The following BNIP5 variants were observed in gnomAD, a reference collection of about 807,000 sequenced individuals.
BNIP5 encodes BCL2 interacting protein 5.
In BNIP5, 61 loss-of-function variants were observed where a neutral mutation model predicts 67.3. The ratio of observed to expected loss-of-function variants is 0.91; its 90% CI spans 0.74 to 1.12. BNIP5 has a LOEUF of 1.12. Among genes scored for constraint, BNIP5 ranks in the 50% most tolerant of loss-of-function variants. The pLI, the probability that BNIP5 is intolerant of heterozygous loss-of-function variation, is 0.00. For synonymous variants in BNIP5, 317 were observed against 319.0 expected (o/e 0.99, Z 0.07); for missense variants, 826 against 816.3 (o/e 1.01, Z -0.14).
chr6:36,326,366 G>T, intron 5 of BNIP5, 144 bp downstream of exon 5: 1 of 1,040,298 alleles, frequency 9.6e-7, no homozygotes, highest in South Asian at 1.7e-5. Flanking sequence ...TCTTCCCACA[G>T]TCATCCTCAC....
In BNIP5 at chr6:36,319,423, A is replaced by G. The variant is rs778232834; in HGVS notation, c.1856T>C (p.Met619Thr). The G allele has an allele frequency of 1.9e-6, 3 of 1,614,196 alleles. No homozygotes were observed. Among genetic ancestry groups the G allele is most frequent in the Non-Finnish European group, 1.7e-6 (2 of 1,180,030 alleles). The change falls in exon 11 of 12, where the codon ATG becomes ACG. Residue 619 changes from methionine (M) to threonine (T), a missense_variant. Physicochemically the swap from Met to Thr is moderately conservative, Grantham distance 81. Transcript: ENST00000437635. ...GTCTCTTAGGCCCATGAGGATGCACATGGCATGGCTGTTGCTGCCAGCAAA... is the reference window on the plus strand; with the variant it reads ...GTCTCTTAGGCCCATGAGGATGCACGTGGCATGGCTGTTGCTGCCAGCAAA... Reference protein sequence around the residue: ...NKFAGSNSHAMCILMGLRDHY... With the variant: ...NKFAGSNSHATCILMGLRDHY...
At chr6:36,319,915 T>C (rs1005384268) in intron 10 of BNIP5, among the ~76,000 whole-genome samples, 4 of 152,246 alleles carry the variant, frequency 2.6e-5, no homozygotes, top group Non-Finnish European at 5.9e-5. Flanking sequence ...CAAATAATCA[T>C]ACTTTATTAT....
At chr6:36,318,731 A>G (rs1324117411) in intron 11 of BNIP5, among the ~76,000 whole-genome samples, 1 of 152,042 alleles carries the variant, frequency 6.6e-6, no homozygotes, top group Non-Finnish European at 1.5e-5. Flanking sequence ...TCAAAAAAAA[A>G]TCAGTGACAA....
At position 36,326,692 on chromosome 6, in the gene BNIP5, T is replaced by A. The variant is rs773172161; in HGVS notation, c.854A>T (p.Lys285Ile). 24 of 1,614,130 alleles carry A rather than the reference T, an allele frequency of 1.5e-5. No individual in the cohort carries two copies. The highest frequency in any genetic ancestry group is 2.0e-5 in the Non-Finnish European group (24 of 1,180,052). The change falls in exon 5 of 12, where the codon AAA becomes ATA. Residue 285 changes from lysine to isoleucine, a missense_variant. Transcript: ENST00000437635. ...LPNPAPAVRK[K>I]SQEKKTSLKR... ...GAGGCTTGTCTTTTTCTCTTGGGATTTCTTCCTAACAGCTGGTGCTGGGTT... is the reference window on the plus strand; with the variant it reads ...GAGGCTTGTCTTTTTCTCTTGGGATATCTTCCTAACAGCTGGTGCTGGGTT...
In BNIP5 at chr6:36,330,171, C is replaced by G; in HGVS notation, c.520G>C (p.Asp174His). 1 of 1,614,002 alleles carries G rather than the reference C, an allele frequency of 6.2e-7. No individual in the cohort carries two copies. The highest frequency in any genetic ancestry group is 8.5e-7 in the Non-Finnish European group (1 of 1,180,022). ...TCCTCTCGGCCTCTGGCCTCCTGGT[C>G]TTGAGCTGCCTTAGTCACCTCGGCC... The part of the protein sequence containing the change: ...HAAEVTKAAQ[D>H]QEARGREEGL... Residue 174 changes from aspartate to histidine, a missense_variant, in exon 2 of 12, where the codon GAC becomes CAC. Coordinates refer to ENST00000437635, the MANE Select transcript of BNIP5 (RefSeq NM_001010903.5).
In BNIP5 at chr6:36,319,592, A is replaced by G; in HGVS notation, c.1687T>C (p.Phe563Leu). The part of the protein sequence containing the change: ...LGQQIRRHPS[F>L]KRFFYEFSDS... ...GAGAACTCGTAAAAAAACCTCTTAA[A>G]GCTGGGGTGGCGCCTGATCTGGAAG... The change falls in exon 11 of 12, where the codon TTT becomes CTT. Residue 563 changes from phenylalanine (F) to leucine (L), a missense_variant. Phe to Leu is a conservative substitution (Grantham distance 22). Coordinates refer to ENST00000437635, the MANE Select transcript of BNIP5 (RefSeq NM_001010903.5). The G allele has an allele frequency of 6.2e-7, 1 of 1,612,194 alleles. No individual in the cohort carries two copies. The highest frequency in any genetic ancestry group is 8.5e-7 in the Non-Finnish European group (1 of 1,178,424).
chr6:36,325,511 G>T, intron 5 of BNIP5, 97 bp from the exon 6 acceptor site: 2 of 1,435,756 alleles, frequency 1.4e-6, no homozygotes, highest in Non-Finnish European at 1.9e-6. Context: ...CTCCGTGGCT[G>T]GATCACATTA....
At position 36,327,106 on chromosome 6, in the gene BNIP5, C is replaced by T; in HGVS notation, c.728-12G>A. 3 of 1,610,908 alleles carry T rather than the reference C, an allele frequency of 1.9e-6. No individual in the cohort carries two copies. The highest frequency in any genetic ancestry group is 1.7e-6 in the Non-Finnish European group (2 of 1,177,080). ...AATGATAGCATCCTCTGGAAGAAAG[C>T]AAATGCATCCGGTTATTCTTTCTAA... On this transcript the variant is annotated splice_polypyrimidine_tract_variant and intron_variant, in intron 3 of 11. Coordinates refer to ENST00000437635, the MANE Select transcript of BNIP5 (RefSeq NM_001010903.5).
rs779792539 is a variant in BNIP5 at position 36,330,317 on chromosome 6, C to T, written c.374G>A (p.Gly125Glu). The change falls in exon 2 of 12, where the codon GGG becomes GAG. Residue 125 changes from glycine (G) to glutamate (E), a missense_variant. Gly to Glu is a moderately conservative substitution (Grantham distance 98, BLOSUM62 -2). Transcript: ENST00000437635. ...PREKASRRPR[G>E]KEGISQHPEP... ...CGGATGCTGGGAGATACCCTCCTTC[C>T]CCCTTGGCCTCCTGCTGGCCTTTTC... 1 of 1,614,080 alleles carries T rather than the reference C, an allele frequency of 6.2e-7. No individual in the cohort carries two copies. Among genetic ancestry groups the T allele is most frequent in the Non-Finnish European group, 8.5e-7 (1 of 1,180,042 alleles).
chr6:36,318,008 G>A (rs1335735498), intron 11 of BNIP5, among the ~76,000 whole-genome samples: 1 of 152,202 alleles, frequency 6.6e-6, no homozygotes, highest in African/African-American at 2.4e-5. Context: ...AAGCCAAGGA[G>A]AGAGAGAGGT....
At chr6:36,331,246 A>G (rs1561887106) in intron 1 of BNIP5, among the ~76,000 whole-genome samples, 1 of 152,208 alleles carries the variant, frequency 6.6e-6, no homozygotes, top group Non-Finnish European at 1.5e-5. Flanking sequence ...TTTCCAGAGG[A>G]TAAAACTGGA....
At chr6:36,317,907 G>A (rs1476900052) in intron 11 of BNIP5, among the ~76,000 whole-genome samples, 3 of 152,152 alleles carry the variant, frequency 2.0e-5, no homozygotes, top group Non-Finnish European at 4.4e-5. Flanking sequence ...TATCTTTCAC[G>A]AATAACTCAG....
intron 6 of BNIP5, among the ~76,000 whole-genome samples, chr6:36,325,048 C>T (rs1456310071): frequency 6.6e-6 from 1 of 152,142 alleles, no homozygotes; most frequent in African/African-American, 2.4e-5. Flanking sequence ...CTCCCTTTGC[C>T]TCCTGTCTGC....
At position 36,316,265 on chromosome 6, in the gene BNIP5, G is replaced by A. The variant is rs1410610027; in HGVS notation, c.*1091C>T. On this transcript the variant is annotated 3_prime_UTR_variant, in exon 12 of 12. Transcript: ENST00000437635. ...CCACATGTTCTGGGCAGTGTCCAAG[G>A]GAGCCGACTGTCTGTCTACAGTCTT... is the stretch of plus-strand genomic sequence containing the variant. 2.7e-6 allele frequency: 1 copy of A among 370,532 alleles called. No individual in the cohort carries two copies. Among genetic ancestry groups the A allele is most frequent in the Admixed American group, 4.6e-5 (1 of 21,712 alleles). The allele number at this position is 370,532 out of a possible 1,614,324, so 23.0% of individuals were successfully genotyped here.
At chr6:36,318,336 C>A (rs1771562089) in intron 11 of BNIP5, among the ~76,000 whole-genome samples, 1 of 152,128 alleles carries the variant, frequency 6.6e-6, no homozygotes, top group South Asian at 2.1e-4. Flanking sequence ...TGTTTGTAAG[C>A]AGGTTATGTT....
chr6:36,317,056 G>A lies in BNIP5; in HGVS notation c.*300C>T, dbSNP rs45613131. ...TAGACTCCAAAGTCTGGAGAGGAGG[G>A]GGAATGTGTAGAGGGTCATGCAGCA... On this transcript the variant is annotated 3_prime_UTR_variant, in exon 12 of 12. Coordinates refer to ENST00000437635, the MANE Select transcript of BNIP5 (RefSeq NM_001010903.5). 6,399 of 468,746 alleles carry A rather than the reference G, an allele frequency of 0.014. 69 individuals are homozygous for A. Among genetic ancestry groups the A allele is most frequent in the Non-Finnish European group, 0.02 (5,255 of 266,878 alleles). 29.0% of individuals were successfully genotyped at this position (468,746 alleles called of 1,614,324 possible).
In BNIP5 at chr6:36,317,313, C is replaced by A. The variant is rs757445405; in HGVS notation, c.*43G>T. On this transcript the variant is annotated 3_prime_UTR_variant, in exon 12 of 12. Transcript: ENST00000437635. Reference sequence around the variant, plus strand: ...AGGGTCTCCTGGCTAAAGCTGCGAACCATTTGGCTAGTTCAAGGGAATTTG... The same window carrying A: ...AGGGTCTCCTGGCTAAAGCTGCGAAACATTTGGCTAGTTCAAGGGAATTTG... 6.4e-7 allele frequency: 1 copy of A among 1,553,200 alleles called. No homozygotes were observed. The highest frequency in any genetic ancestry group is 8.9e-7 in the Non-Finnish European group (1 of 1,124,456).
intron 3 of BNIP5, 47 bp from the exon 4 acceptor site, chr6:36,327,141 C>A: frequency 6.7e-7 from 1 of 1,490,694 alleles, no homozygotes; most frequent in Non-Finnish European, 9.4e-7. Flanking sequence ...AATGCACTGA[C>A]AACTCCTTCT....
At position 36,330,552 on chromosome 6, in the gene BNIP5, C is replaced by A; in HGVS notation, c.139G>T (p.Ala47Ser). Residue 47 changes from alanine (A) to serine (S), a missense_variant, in exon 2 of 12, where the codon GCG becomes TCG. Ala to Ser is a moderately conservative substitution (Grantham distance 99). Coordinates refer to ENST00000437635, the MANE Select transcript of BNIP5 (RefSeq NM_001010903.5). Reference protein sequence around the residue: ...LSLPTAPSRKALHWTTSDWAR... With the variant: ...LSLPTAPSRKSLHWTTSDWAR... ...CAATCACTGGTCGTCCAGTGAAGCG[C>A]CTTCCTGGAGGGGGCAGTGGGCAGG... is the stretch of plus-strand genomic sequence containing the variant. The A allele has an allele frequency of 6.2e-7, 1 of 1,613,942 alleles. No homozygotes were observed. The highest frequency in any genetic ancestry group is 1.1e-5 in the South Asian group (1 of 91,086).
Sources: allele counts gnomAD v4.1 joint callset (sites outside exome capture counted in the v4.1 genomes callset), GRCh38; gene constraint gnomAD v4.1.1; transcripts MANE v1.5; gene names NCBI Gene and HGNC (gene_info 2026-07-23, HGNC 2026-07-21).